Variants in MGRN1 observed in about 807,000 individuals in gnomAD.
MGRN1 encodes E3 ubiquitin-protein ligase MGRN1.
A neutral mutation model predicts 69.2 loss-of-function variants in MGRN1; 29 were observed. That is an observed-to-expected ratio of 0.42 (90% CI 0.31 to 0.57). MGRN1 has a LOEUF of 0.57. Among genes scored for constraint, MGRN1 ranks in the 20% least tolerant of loss-of-function variants. The pLI, the probability that MGRN1 is intolerant of heterozygous loss-of-function variation, is 0.15. For missense variants in MGRN1, 998 were observed against 796.2 expected, an observed-to-expected ratio of 1.25 and a Z score of -3.05; for synonymous variants, 470 against 344.2, an observed-to-expected ratio of 1.37 and a Z score of -4.04.
rs375064408 is a variant in MGRN1 at position 4,681,703 on chromosome 16, C to G, written c.1285C>G (p.Pro429Ala). The change falls in exon 13 of 17, where the codon CCC (proline) becomes GCC (alanine). Residue 429 changes from proline (P) to alanine (A), a missense_variant. Physicochemically the swap from Pro to Ala is conservative, Grantham distance 27. Transcript: ENST00000262370. ...GGACGGCCTGTCCCAGGCCAGCTGT[C>G]CCCTCGCGGCTATCGACCACATCCT... The part of the protein sequence containing the change: ...ISDGLSQASC[P>A]LAAIDHILDS... 3 of 1,613,338 alleles carry G rather than the reference C, an allele frequency of 1.9e-6. No individual in the cohort carries two copies. Among genetic ancestry groups the G allele is most frequent in the African/African-American group, 2.7e-5 (2 of 75,068 alleles).
intron 1 of MGRN1, among the ~76,000 whole-genome samples, chr16:4,633,181 AG>A (rs1179368463): frequency 6.8e-6 from 1 of 147,108 alleles, no homozygotes; most frequent in Non-Finnish European, 1.5e-5. Flanking sequence ...TGAGGTTAGG[AG>A]TTTGAGAGCA....
At chr16:4,654,025 T>TA (rs1342385899) in intron 4 of MGRN1, among the ~76,000 whole-genome samples, 2 of 152,192 alleles carry the variant, frequency 1.3e-5, no homozygotes, top group African/African-American at 4.8e-5. Context: ...GTGCTGAGAT[T>TA]ACAGCCGTGA....
chr16:4,681,495 C>T (rs2079181276), intron 12 of MGRN1, 55 bp from the exon 13 acceptor site: 6 of 1,525,800 alleles, frequency 3.9e-6, no homozygotes, highest in Non-Finnish European at 5.4e-6. Context: ...GGAGGAGCGT[C>T]TGGGGAGCAG....
chr16:4,664,099 C>G (rs1181325494), intron 5 of MGRN1: 1 of 156,442 alleles, frequency 6.4e-6, no homozygotes, highest in Admixed American at 6.1e-5. Context: ...TGCAGCGCTG[C>G]TCACCGTAGC....
At chr16:4,642,294 T>TTTTA (rs1186302505) in intron 1 of MGRN1, among the ~76,000 whole-genome samples, 1 of 151,698 alleles carries the variant, frequency 6.6e-6, no homozygotes, top group Non-Finnish European at 1.5e-5. Context: ...ATTTTTGTAT[T>TTTTA]TTTATTTATT....
chr16:4,634,465 C>T (rs1404613079), intron 1 of MGRN1: 2 of 152,480 alleles, frequency 1.3e-5, no homozygotes, highest in Non-Finnish European at 2.9e-5. Context: ...CCGTGAGGCT[C>T]TCTAGCTTTG....
At chr16:4,641,587 C>G (rs8046874) in intron 1 of MGRN1, among the ~76,000 whole-genome samples, 1 of 150,168 alleles carries the variant, frequency 6.7e-6, no homozygotes. Context: ...GGTGCAGTCT[C>G]GGCTGACCGC....
At chr16:4,664,669 CTG>C (rs771635947) in intron 5 of MGRN1, 38 bp from the exon 6 acceptor site, 1 of 1,609,076 alleles carries the variant, frequency 6.2e-7, no homozygotes, top group Non-Finnish European at 8.5e-7. Flanking sequence ...CCAGGCTTGG[CTG>C]TGTGGGTCCT....
intron 14 of MGRN1, 89 bp downstream of exon 14, chr16:4,683,035 C>T: frequency 2.7e-6 from 4 of 1,478,664 alleles, no homozygotes; most frequent in Non-Finnish European, 3.6e-6. Flanking sequence ...ATCCCACTGC[C>T]CGCCTGGGCG....
intron 1 of MGRN1, among the ~76,000 whole-genome samples, chr16:4,645,120 C>CAT (rs1280382172): frequency 1.6e-4 from 19 of 119,832 alleles, no homozygotes; most frequent in Admixed American, 3.7e-4. Flanking sequence ...TATGCGTGTG[C>CAT]ATATATATAT....
intron 15 of MGRN1, 134 bp downstream of exon 15, chr16:4,683,403 C>CT: frequency 2.9e-6 from 3 of 1,035,682 alleles, no homozygotes; most frequent in South Asian, 3.0e-5. Flanking sequence ...AGAGGCCCCC[C>CT]TCGGCGGCAC....
In MGRN1 at chr16:4,683,846, C is replaced by T. The variant is rs1010733425; in HGVS notation, c.1532C>T (p.Thr511Ile). ...TAACCTCACCCTCTGCCTGCAGGGA[C>T]CCGAGCAGCTTCCATTGAGAATGTC... ...VDESSSPQQG[T>I]RAASIENVLQ... Residue 511 changes from threonine to isoleucine, a missense_variant, in exon 16 of 17, where the codon ACC becomes ATC. By Grantham distance (89) the Thr-to-Ile change is moderately conservative (BLOSUM62 -1). Transcript: ENST00000262370. 1.9e-6 allele frequency: 3 copies of T among 1,612,578 alleles called. No individual in the cohort carries two copies. The highest frequency in any genetic ancestry group is 3.3e-5 in the Admixed American group (2 of 59,960).
At chr16:4,664,627 G>A in intron 5 of MGRN1, 82 bp from the exon 6 acceptor site, 2 of 1,433,178 alleles carry the variant, frequency 1.4e-6, no homozygotes, top group Non-Finnish European at 9.8e-7. Context: ...TGCCTGCTTT[G>A]TCCAGCTCAT....
intron 12 of MGRN1, 82 bp downstream of exon 12, chr16:4,680,179 G>T (rs142693234): frequency 7.3e-7 from 1 of 1,374,818 alleles, no homozygotes; most frequent in Non-Finnish European, 1.0e-6. Flanking sequence ...GATCGTTTCC[G>T]CCCCAGGCTA....
Position 4,681,296 on chromosome 16 carries a change from G to T in MGRN1, c.1132-254G>T, listed in dbSNP as rs543928963. Reference sequence around the variant, plus strand: ...GGGGCTGGTTGAGGCCAGGGCTGGGGCGGTTCTTGGCAGATGCCCTCGTGC... The same window carrying T: ...GGGGCTGGTTGAGGCCAGGGCTGGGTCGGTTCTTGGCAGATGCCCTCGTGC... On this transcript the variant is annotated intron_variant, in intron 12 of 16. Coordinates refer to ENST00000262370, the MANE Select transcript of MGRN1 (RefSeq NM_015246.4). 419 of 520,880 alleles carry T rather than the reference G, an allele frequency of 8.0e-4. 1 individual carries two copies. Among genetic ancestry groups the T allele is most frequent in the Admixed American group, 1.8e-3 (48 of 27,362 alleles). 32.3% of individuals were successfully genotyped at this position (520,880 alleles called of 1,614,324 possible). A position where few individuals can be genotyped will look rare whatever the true frequency, so the allele number is the denominator to read the frequency against.
At position 4,690,646 on chromosome 16, in the gene MGRN1, A is replaced by C. The variant is rs1222549070; in HGVS notation, c.*1738A>C. ...CGCTCACACATGCTGTCACGCATAC[A>C]CACACGCACATACTCCTGCACATGT... On this transcript the variant is annotated 3_prime_UTR_variant, in exon 17 of 17. Coordinates refer to ENST00000262370, the MANE Select transcript of MGRN1 (RefSeq NM_015246.4). The C allele has an allele frequency of 1.3e-5, 2 of 151,052 alleles. No homozygotes were observed. Among genetic ancestry groups the C allele is most frequent in the African/African-American group, 4.9e-5 (2 of 40,976 alleles). The allele number at this position is 151,052 out of a possible 1,614,324, so 9.4% of individuals were successfully genotyped here.
chr16:4,687,380 ATG>A, intron 16 of MGRN1: 1 of 924,478 alleles, frequency 1.1e-6, no homozygotes. Context: ...CCCCCTCTCT[ATG>A]AAAAATAAAA....
rs761543432 is a variant in MGRN1, at chr16:4,668,221, C to T, written c.679-44C>T. Reference sequence around the variant, plus strand: ...GCGGCCACGCAGGGGTGCTCAGAGGCGCCAGCTTGACCACCTTAACCTCTT... The same window carrying T: ...GCGGCCACGCAGGGGTGCTCAGAGGTGCCAGCTTGACCACCTTAACCTCTT... On this transcript the variant is annotated intron_variant, in intron 7 of 16. Transcript: ENST00000262370. 23 of 1,597,428 alleles carry T rather than the reference C, an allele frequency of 1.4e-5. No individual in the cohort carries two copies. In the East Asian group the frequency reaches 1.6e-4, roughly 11 times the overall value.
At chr16:4,664,255 G>C (rs975621946) in intron 5 of MGRN1, 1 of 233,302 alleles carries the variant, frequency 4.3e-6, no homozygotes, top group Non-Finnish European at 8.6e-6. Context: ...AACATACCTA[G>C]ACACAGAAGG....
Sources: gnomAD v4.1 joint callset for allele counts (sites outside exome capture counted in the v4.1 genomes callset) on GRCh38, gnomAD v4.1.1 for gene constraint, MANE v1.5 for transcripts, NCBI Gene and HGNC (gene_info 2026-07-23, HGNC 2026-07-21) for gene names.